The following HUS1 variants were observed in gnomAD, a reference collection of about 807,000 sequenced individuals.
The protein encoded by HUS1 is checkpoint protein HUS1.
HUS1 carries 31 observed loss-of-function variants against 32.6 expected under a neutral mutation model. The observed-to-expected ratio is 0.95, with a 90% CI of 0.72 to 1.28. The LOEUF is 1.28. HUS1 is among the 50% of genes most tolerant of loss of function. The pLI is 0.00. For synonymous variants in HUS1, 123 were observed against 116.6 expected (o/e 1.06, Z -0.36); for missense variants, 340 against 337.7 (o/e 1.01, Z -0.05).
chr7:47,969,147 A>G, intron 6 of HUS1, 72 bp downstream of exon 6: 1 of 715,742 alleles, frequency 1.4e-6, no homozygotes, highest in South Asian at 1.6e-5. Flanking sequence ...TTACATGAAG[A>G]GACCTCAACA....
chr7:47,973,286 G>T (rs1016140376), intron 5 of HUS1, among the ~76,000 whole-genome samples: 10 of 152,230 alleles, frequency 6.6e-5, no homozygotes, highest in Admixed American at 2.0e-4. Context: ...ACTGCTACAT[G>T]ATGTGGTCTG....
intron 5 of HUS1, among the ~76,000 whole-genome samples, chr7:47,972,573 T>C (rs1274848417): frequency 1.3e-5 from 2 of 152,272 alleles, no homozygotes; most frequent in African/African-American, 2.4e-5. Flanking sequence ...GTAAGATCTT[T>C]CAATGATTTC....
In HUS1 at chr7:47,979,576, CCT is replaced by C. The variant is rs1164051997; in HGVS notation, c.-59_-58del. Reference sequence around the variant, plus strand: ...TGTGGGTAACAGAAAAGCGTCGCGCCCTGAGTGTCCCCGCCCGGAAACACGGC... The same window carrying C: ...TGTGGGTAACAGAAAAGCGTCGCGCCGAGTGTCCCCGCCCGGAAACACGGC... On this transcript the variant is annotated 5_prime_UTR_variant, in exon 1 of 8. Transcript: ENST00000258774. The C allele has an allele frequency of 7.4e-7, 1 of 1,349,112 alleles. No individual in the cohort carries two copies. Among genetic ancestry groups the C allele is most frequent in the Non-Finnish European group, 1.1e-6 (1 of 946,642 alleles). 83.6% of individuals were successfully genotyped at this position (1,349,112 alleles called of 1,614,324 possible). A position where few individuals can be genotyped will look rare whatever the true frequency, so the allele number is the denominator to read the frequency against.
rs1788459430 is a variant in HUS1 at position 47,965,500 on chromosome 7, T to G, written c.761-62A>C. On this transcript the variant is annotated intron_variant, in intron 7 of 7. Coordinates refer to ENST00000258774, the MANE Select transcript of HUS1 (RefSeq NM_004507.4). ...GCAGCACACACATTTTGATCTCTAC[T>G]TTTTCAGAACAGCCTTCCCAGCCTG... is the stretch of plus-strand genomic sequence containing the variant. 31 of 1,240,600 alleles carry G rather than the reference T, an allele frequency of 2.5e-5. No homozygotes were observed. In the South Asian group the frequency reaches 3.3e-4, roughly 13 times the overall value. The allele number at this position is 1,240,600 out of a possible 1,614,324, so 76.8% of individuals were successfully genotyped here. A position where few individuals can be genotyped will look rare whatever the true frequency, so the allele number is the denominator to read the frequency against.
intron 5 of HUS1, chr7:47,971,403 C>G: frequency 4.4e-6 from 2 of 454,030 alleles, no homozygotes; most frequent in Non-Finnish European, 8.9e-6. Flanking sequence ...CACCCCTCTT[C>G]TACTCCTGCT....
At position 47,967,870 on chromosome 7, in the gene HUS1, T is replaced by C. The variant is rs548463200; in HGVS notation, c.696A>G (p.Ile232Met). Residue 232 changes from isoleucine to methionine, a missense_variant, in exon 7 of 8, where the codon ATA (isoleucine) becomes ATG (methionine). Ile to Met is a conservative substitution (Grantham distance 10). Coordinates refer to ENST00000258774, the MANE Select transcript of HUS1 (RefSeq NM_004507.4). ...GAAACTGTAGGAGCTTCCTAATATC[T>C]ATGTGCACTTCAGCCATGTGTTCCA... ...RNVEHMAEVH[I>M]DIRKLLQFLA... The C allele has an allele frequency of 6.2e-7, 1 of 1,614,004 alleles. No individual in the cohort carries two copies. Among genetic ancestry groups the C allele is most frequent in the South Asian group, 1.1e-5 (1 of 91,062 alleles).
chr7:47,970,262 GAAC>G (rs1458237450), intron 5 of HUS1, among the ~76,000 whole-genome samples: 4 of 124,560 alleles, frequency 3.2e-5, no homozygotes, highest in Non-Finnish European at 5.2e-5. Context: ...AAAGAGAAAT[GAAC>G]AATAATAGAC....
At chr7:47,976,440 T>C (rs1280847569) in intron 4 of HUS1, 2 of 486,256 alleles carry the variant, frequency 4.1e-6, no homozygotes, top group Admixed American at 2.3e-5. Context: ...CCCAAATTGG[T>C]GTCTAAGGCC....
intron 6 of HUS1, 135 bp downstream of exon 6, chr7:47,969,084 T>C: frequency 1.7e-6 from 1 of 595,160 alleles, no homozygotes; most frequent in Admixed American, 3.3e-5. Flanking sequence ...CCAGTCTCAA[T>C]TCCTTTGTTC....
rs10253916 is a variant in HUS1 at position 47,965,394 on chromosome 7, C to T, written c.805G>A (p.Asp269Asn). 3.1e-3 allele frequency: 4,924 copies of T among 1,613,736 alleles called. 16 individuals are homozygous for T. The highest frequency in any genetic ancestry group is 4.0e-3 in the Non-Finnish European group (4,693 of 1,179,658). ...GGGATGAAATACTGAAGGGACACGTCTTCATGAAGCAGATCAAAATGCACC... is the reference window on the plus strand; with the variant it reads ...GGGATGAAATACTGAAGGGACACGTTTTCATGAAGCAGATCAAAATGCACC... Reference protein sequence around the residue: ...KMVHFDLLHEDVSLQYFIPAL... With the variant: ...KMVHFDLLHENVSLQYFIPAL... The change falls in exon 8 of 8, where the codon GAC becomes AAC. Residue 269 changes from aspartate (D) to asparagine (N), a missense_variant. Transcript: ENST00000258774.
At chr7:47,972,741 G>A (rs1028869013) in intron 5 of HUS1, among the ~76,000 whole-genome samples, 2 of 47,288 alleles carry the variant, frequency 4.2e-5, no homozygotes, top group African/African-American at 5.1e-5. Context: ...ACTGCACAGC[G>A]CAGCCTGGAG....
At chr7:47,967,950 A>T in intron 6 of HUS1, 25 bp from the exon 7 acceptor site, 1 of 1,601,234 alleles carries the variant, frequency 6.2e-7, no homozygotes, top group Non-Finnish European at 8.5e-7. Context: ...ATGCATTTAA[A>T]TACAACATCT....
At position 47,967,897 on chromosome 7, in the gene HUS1, G is replaced by A. The variant is rs773746363; in HGVS notation, c.669C>T (p.Asn223=). 1.2e-5 allele frequency: 19 copies of A among 1,613,612 alleles called. No individual in the cohort carries two copies. Among genetic ancestry groups the A allele is most frequent in the Middle Eastern group, 3.3e-4 (2 of 6,084 alleles). Residue 223 remains asparagine (N), a synonymous_variant, in exon 7 of 8, where the codon AAC becomes AAT. Coordinates refer to ENST00000258774, the MANE Select transcript of HUS1 (RefSeq NM_004507.4). ...TGTGCACTTCAGCCATGTGTTCCAC[G>A]TTTCTGTCCTCATGGGTGCTTTCAG... ...LASESTHEDR[N]VEHMAEVHID... is the part of the protein sequence containing the mutation.
At position 47,963,883 on chromosome 7, in the gene HUS1, G is replaced by A. The variant is rs1788421458; in HGVS notation, c.*1473C>T. On this transcript the variant is annotated 3_prime_UTR_variant, in exon 8 of 8. Transcript: ENST00000258774. ...ATCGCGCCACTAGCACTCCAGACTG[G>A]CGACAGAGTGAGACTCCGTCTCAAA... The A allele has an allele frequency of 6.6e-6, 1 of 151,652 alleles. No individual in the cohort carries two copies. Among genetic ancestry groups the A allele is most frequent in the Non-Finnish European group, 1.5e-5 (1 of 67,964 alleles). 9.4% of individuals were successfully genotyped at this position (151,652 alleles called of 1,614,324 possible). A position where few individuals can be genotyped will look rare whatever the true frequency, so the allele number is the denominator to read the frequency against.
chr7:47,978,466 A>T lies in HUS1; in HGVS notation c.308T>A (p.Ile103Asn). 1 of 1,614,202 alleles carries T rather than the reference A, an allele frequency of 6.2e-7. No individual in the cohort carries two copies. The highest frequency in any genetic ancestry group is 1.1e-5 in the South Asian group (1 of 91,088). ...KTAQNARALK[I>N]KLTNKHFPCL... ...GGGAAAGTGTTTATTAGTCAGTTTG[A>T]TTTTCAAAGCCCTGGCATTCTGGGC... is the stretch of plus-strand genomic sequence containing the variant. The change falls in exon 3 of 8, where the codon ATC (isoleucine) becomes AAC (asparagine). Residue 103 changes from isoleucine (I) to asparagine (N), a missense_variant. Coordinates refer to ENST00000258774, the MANE Select transcript of HUS1 (RefSeq NM_004507.4).
In HUS1 at chr7:47,968,956, G is replaced by A. The variant is rs547866115; in HGVS notation, c.640+263C>T. The stretch of plus-strand genomic sequence containing the variant: ...AGCTGGAAGGGATCTTGGAGGTTAT[G>A]TAACTTGATCCGAATTCTACAGAGG... On this transcript the variant is annotated intron_variant, in intron 6 of 7. Transcript: ENST00000258774. The A allele has an allele frequency of 8.0e-4, 274 of 342,932 alleles. 5 individuals carry two copies. The South Asian group carries it at 0.013, about 16-fold the overall frequency. The allele number at this position is 342,932 out of a possible 1,614,324, so 21.2% of individuals were successfully genotyped here. A position where few individuals can be genotyped will look rare whatever the true frequency, so the allele number is the denominator to read the frequency against.
chr7:47,978,938 G>A, intron 1 of HUS1, 122 bp from the exon 2 acceptor site: 2 of 990,846 alleles, frequency 2.0e-6, no homozygotes, highest in Non-Finnish European at 3.0e-6. Flanking sequence ...CTTAACGTTG[G>A]TATCACACTG....
chr7:47,972,366 A>G (rs1788616541), intron 5 of HUS1, among the ~76,000 whole-genome samples: 1 of 152,246 alleles, frequency 6.6e-6, no homozygotes, highest in South Asian at 2.1e-4. Flanking sequence ...TAAGAATCTC[A>G]GTAACAGAAC....
Position 47,964,056 on chromosome 7 carries a change from T to C in HUS1, c.*1300A>G, listed in dbSNP as rs1310891256. 1 of 152,230 alleles carries C rather than the reference T, an allele frequency of 6.6e-6. No individual in the cohort carries two copies. The highest frequency in any genetic ancestry group is 1.5e-5 in the Non-Finnish European group (1 of 68,038). 9.4% of individuals were successfully genotyped at this position (152,230 alleles called of 1,614,324 possible). A position where few individuals can be genotyped will look rare whatever the true frequency, so the allele number is the denominator to read the frequency against. On this transcript the variant is annotated 3_prime_UTR_variant, in exon 8 of 8. Coordinates refer to ENST00000258774, the MANE Select transcript of HUS1 (RefSeq NM_004507.4). ...CAATTTCATTTTATCCTAAGCAACT[T>C]AGGTCTCAGTTTTGTAATGTGACAT...
Sources: gnomAD v4.1 joint callset for allele counts (sites outside exome capture counted in the v4.1 genomes callset) on GRCh38, gnomAD v4.1.1 for gene constraint, MANE v1.5 for transcripts, NCBI Gene and HGNC (gene_info 2026-07-23, HGNC 2026-07-21) for gene names.